The following ZNF587B variants were observed in gnomAD, a reference collection of about 807,000 sequenced individuals.
ZNF587B encodes zinc finger protein 587B.
In ZNF587B, 6 loss-of-function variants were observed where a neutral mutation model predicts 7.2. The ratio of observed to expected loss-of-function variants is 0.83; its 90% confidence interval spans 0.46 to 1.65. ZNF587B has a LOEUF of 1.65. ZNF587B is among the 40% of genes most tolerant of loss of function. The pLI, the probability that ZNF587B is intolerant of heterozygous loss-of-function variation, is 0.01. For missense variants in ZNF587B, 749 were observed against 761.0 expected (o/e 0.98, Z 0.19); for synonymous variants, 274 against 254.3 (o/e 1.08, Z -0.74).
At chr19:57,833,136 G>A (rs1206706256) in intron 1 of ZNF587B, among the ~76,000 whole-genome samples, 2 of 152,292 alleles carry the variant, frequency 1.3e-5, no homozygotes, top group African/African-American at 4.8e-5. Context: ...TTAGGACGGT[G>A]AGTTCCCCAG....
intron 1 of ZNF587B, among the ~76,000 whole-genome samples, chr19:57,832,336 T>C (rs570468143): frequency 1.1e-4 from 17 of 152,204 alleles, no homozygotes; most frequent in African/African-American, 2.2e-4. Flanking sequence ...CCGCCCGCCT[T>C]GGCCTCCCAA....
At position 57,841,250 on chromosome 19, in the gene ZNF587B, C is replaced by A. The variant is rs776578551; in HGVS notation, c.576C>A (p.His192Gln). 3.7e-6 allele frequency: 6 copies of A among 1,614,056 alleles called. No homozygotes were observed. In the East Asian group the frequency reaches 1.3e-4, roughly 36 times the overall value. Residue 192 changes from histidine to glutamine, a missense_variant, in exon 3 of 3, where the codon CAC becomes CAA. Physicochemically the swap from His to Gln is conservative, Grantham distance 24. Transcript: ENST00000594901. ...RSGLLQQEAS[H>Q]TGEKSNSKTE... ...GATTACTCCAGCAGGAGGCCAGTCA[C>A]ACTGGGGAGAAGTCAAACAGCAAAA...
Position 57,843,587 on chromosome 19 carries a change from GTTGTTTT to G in ZNF587B, c.*1014_*1020del, listed in dbSNP as rs1421188921. The G allele has an allele frequency of 2.6e-6, 2 of 757,974 alleles. No homozygotes were observed. The highest frequency in any genetic ancestry group is 1.5e-6 in the Non-Finnish European group (1 of 657,640). 47.0% of individuals were successfully genotyped at this position (757,974 alleles called of 1,614,324 possible). A position where few individuals can be genotyped will look rare whatever the true frequency, so the allele number is the denominator to read the frequency against. On this transcript the variant is annotated 3_prime_UTR_variant, in exon 3 of 3. Coordinates refer to ENST00000594901, the MANE Select transcript of ZNF587B (RefSeq NM_001376223.1). ...GTTTGGTTGGTTGGTTGGTTGGTTG[GTTGTTTT>G]TTTTTGTTTTTTTTTTTTTTTTTTT...
In ZNF587B at chr19:57,841,640, A is replaced by G; in HGVS notation, c.966A>G (p.Gly322=). Residue 322 remains glycine, a synonymous_variant, in exon 3 of 3, where the codon GGA becomes GGG. Transcript: ENST00000594901. Reference sequence around the variant, plus strand: ...GGCGCCATCAAAAAGTTCACGCTGGAAAAGGGCCTTATGAGTGTGGAGAAT... The same window carrying G: ...GGCGCCATCAAAAAGTTCACGCTGGGAAAGGGCCTTATGAGTGTGGAGAAT... ...YLRRHQKVHA[G]KGPYECGECG... is the part of the protein sequence containing the mutation. 1 of 1,599,596 alleles carries G rather than the reference A, an allele frequency of 6.3e-7. No individual in the cohort carries two copies.
rs769996914 is a variant in ZNF587B, at chr19:57,841,836, G to A, written c.1162G>A (p.Gly388Arg). 10 of 1,612,252 alleles carry A rather than the reference G, an allele frequency of 6.2e-6. No individual in the cohort carries two copies. The African/African-American group carries it at 8.0e-5, about 13-fold the overall frequency. ...EVRPYKCGEC[G>R]KSYISKGHLR... ...AAGACCTTACAAGTGTGGAGAATGT[G>A]GGAAATCTTATATTTCAAAGGGGCA... The change falls in exon 3 of 3, where the codon GGG becomes AGG. Residue 388 changes from glycine to arginine, a missense_variant. Gly to Arg is a moderately radical substitution (Grantham distance 125, BLOSUM62 -2). Around this residue, in one of 3 missense-constraint regions of ZNF587B, gnomAD observed 656 missense variants for 596.5 expected, o/e 1.10. Coordinates refer to ENST00000594901, the MANE Select transcript of ZNF587B (RefSeq NM_001376223.1).
At position 57,843,382 on chromosome 19, in the gene ZNF587B, T is replaced by G. The variant is rs972521432; in HGVS notation, c.*806T>G. 4 of 985,386 alleles carry G rather than the reference T, an allele frequency of 4.1e-6. No individual in the cohort carries two copies. Among genetic ancestry groups the G allele is most frequent in the East Asian group, 1.1e-4 (1 of 8,808 alleles). 61.0% of individuals were successfully genotyped at this position (985,386 alleles called of 1,614,324 possible). On this transcript the variant is annotated 3_prime_UTR_variant, in exon 3 of 3. Transcript: ENST00000594901. The stretch of plus-strand genomic sequence containing the variant: ...AACTCCAGGCATGTGGCATCTGTAT[T>G]ATATTTTTTACTATGCCCTGTTATC...
In ZNF587B at chr19:57,842,527, G is replaced by C. The variant is rs1177616771; in HGVS notation, c.1853G>C (p.Ser618Thr). The C allele has an allele frequency of 6.4e-7, 1 of 1,552,682 alleles. No homozygotes were observed. The highest frequency in any genetic ancestry group is 2.1e-5 in the Admixed American group (1 of 48,254). Residue 618 changes from serine to threonine, a missense_variant, in exon 3 of 3, where the codon AGC becomes ACC. Physicochemically the swap from Ser to Thr is moderately conservative, Grantham distance 58. Around this residue, in one of 3 missense-constraint regions of ZNF587B, gnomAD observed 656 missense variants for 596.5 expected, o/e 1.10. Transcript: ENST00000594901. ...CSECEKKFRK[S>T]SSLRYHQRVH... is the part of the protein sequence containing the mutation. ...GAATGTGAAAAAAAATTTAGGAAAA[G>C]CTCTTCACTTCGTTACCATCAGAGA...
At position 57,842,084 on chromosome 19, in the gene ZNF587B, A is replaced by T. The variant is rs1988881992; in HGVS notation, c.1410A>T (p.Glu470Asp). The T allele has an allele frequency of 6.3e-7, 1 of 1,593,918 alleles. No individual in the cohort carries two copies. The highest frequency in any genetic ancestry group is 1.1e-5 in the South Asian group (1 of 89,226). Reference protein sequence around the residue: ...HTRKRPYMCWECGKLFKKKSH... With the variant: ...HTRKRPYMCWDCGKLFKKKSH... The stretch of plus-strand genomic sequence containing the variant: ...GAAAAAGGCCTTATATGTGTTGGGA[A>T]TGTGGAAAATTATTTAAGAAGAAGT... The change falls in exon 3 of 3, where the codon GAA (glutamate) becomes GAT (aspartate). Residue 470 changes from glutamate (E) to aspartate (D), a missense_variant. By Grantham distance (45) the Glu-to-Asp change is conservative. Coordinates refer to ENST00000594901, the MANE Select transcript of ZNF587B (RefSeq NM_001376223.1).
At chr19:57,837,886 A>C (rs1185585338) in intron 1 of ZNF587B, among the ~76,000 whole-genome samples, 5 of 152,132 alleles carry the variant, frequency 3.3e-5, no homozygotes. Context: ...CGCCTGGCTC[A>C]ATACATTTGA....
chr19:57,839,936 G>A (rs115978055), intron 2 of ZNF587B, among the ~76,000 whole-genome samples: 4,686 of 151,902 alleles, frequency 0.031, 151 homozygotes, highest in African/African-American at 0.083. Flanking sequence ...AAAATCACTC[G>A]AGCATGATGG....
In ZNF587B at chr19:57,844,270, G is replaced by C. The variant is rs556861711; in HGVS notation, c.*1694G>C. ...AATCCCAACACTTTGGGAGGCCGAGGTGGGTGGATCACAAGGACAGGAAGG... is the reference window on the plus strand; with the variant it reads ...AATCCCAACACTTTGGGAGGCCGAGCTGGGTGGATCACAAGGACAGGAAGG... On this transcript the variant is annotated 3_prime_UTR_variant, in exon 3 of 3. Transcript: ENST00000594901. 9.5e-6 allele frequency: 4 copies of C among 420,858 alleles called. No homozygotes were observed. The highest frequency in any genetic ancestry group is 1.9e-5 in the Non-Finnish European group (4 of 213,148). The allele number at this position is 420,858 out of a possible 1,614,324, so 26.1% of individuals were successfully genotyped here.
At chr19:57,832,608 A>G (rs573551608) in intron 1 of ZNF587B, among the ~76,000 whole-genome samples, 19 of 152,326 alleles carry the variant, frequency 1.2e-4, no homozygotes, top group African/African-American at 4.6e-4. Flanking sequence ...ATGCTTGTAG[A>G]TATTCGTCAG....
rs1190476841 is a variant in ZNF587B at position 57,830,571 on chromosome 19, G to T, written c.36+7G>T. 2.6e-6 allele frequency: 4 copies of T among 1,550,392 alleles called. No individual in the cohort carries two copies. The East Asian group carries it at 7.3e-5, about 28-fold the overall frequency. On this transcript the variant is annotated splice_region_variant and intron_variant, in intron 1 of 2. Coordinates refer to ENST00000594901, the MANE Select transcript of ZNF587B (RefSeq NM_001376223.1). ...GCTGAGGCTCTCTGCTCAGGTAATT[G>T]TGGTGCCTTCCATGCCCTCAGGTCA...
At chr19:57,833,279 TC>T (rs1334975931) in intron 1 of ZNF587B, among the ~76,000 whole-genome samples, 1 of 147,910 alleles carries the variant, frequency 6.8e-6, no homozygotes, top group Admixed American at 6.8e-5. Flanking sequence ...TTCCCACTCT[TC>T]CATCCCCTTT....
chr19:57,842,389 A>C lies in ZNF587B; in HGVS notation c.1715A>C (p.His572Pro). The change falls in exon 3 of 3, where the codon CAC becomes CCC. Residue 572 changes from histidine (H) to proline (P), a missense_variant. Physicochemically the swap from His to Pro is moderately conservative, Grantham distance 77 (BLOSUM62 -2). This residue lies in a region of ZNF587B where 656 missense variants were observed against 596.5 expected (regional missense o/e 1.10). Transcript: ENST00000594901. ...TATCTCACTAGTCACAGGAGAGTTC[A>C]CACTGGTCAGAAGCCTTATGAGTGC... ...SSYLTSHRRV[H>P]TGQKPYECSE... The C allele has an allele frequency of 6.2e-7, 1 of 1,602,256 alleles. No individual in the cohort carries two copies. Among genetic ancestry groups the C allele is most frequent in the South Asian group, 1.1e-5 (1 of 89,072 alleles).
intron 1 of ZNF587B, among the ~76,000 whole-genome samples, chr19:57,836,420 T>C (rs4801521): frequency 0.94 from 119,822 of 127,388 alleles, 56,161 homozygotes; most frequent in East Asian, 0.96. Context: ...AGGCCCAGTG[T>C]GATTTGCCAC....
In ZNF587B at chr19:57,844,166, C is replaced by T. The variant is rs1988985328; in HGVS notation, c.*1590C>T. Reference sequence around the variant, plus strand: ...CTGATAAGTTACACCATGGACCTTCCCCATTTTTGTCCCAGAGGACTCTTG... The same window carrying T: ...CTGATAAGTTACACCATGGACCTTCTCCATTTTTGTCCCAGAGGACTCTTG... On this transcript the variant is annotated 3_prime_UTR_variant, in exon 3 of 3. Coordinates refer to ENST00000594901, the MANE Select transcript of ZNF587B (RefSeq NM_001376223.1). 4 of 377,196 alleles carry T rather than the reference C, an allele frequency of 1.1e-5. No homozygotes were observed. Among genetic ancestry groups the T allele is most frequent in the South Asian group, 5.7e-5 (3 of 52,288 alleles). 23.4% of individuals were successfully genotyped at this position (377,196 alleles called of 1,614,324 possible). A position where few individuals can be genotyped will look rare whatever the true frequency, so the allele number is the denominator to read the frequency against.
At chr19:57,838,591 C>T (rs1456574514) in intron 1 of ZNF587B, among the ~76,000 whole-genome samples, 1 of 152,036 alleles carries the variant, frequency 6.6e-6, no homozygotes, top group Non-Finnish European at 1.5e-5. Context: ...CAGAGGGAGA[C>T]TCCATCTCAA....
Position 57,842,590 on chromosome 19 carries a change from G to T in ZNF587B, c.*14G>T, listed in dbSNP as rs1390284426. ...AAGGCCTTATGAGTGCAGAGAATGA[G>T]TCCAGTCTCATTAAATACAGGAGAG... On this transcript the variant is annotated 3_prime_UTR_variant, in exon 3 of 3. Coordinates refer to ENST00000594901, the MANE Select transcript of ZNF587B (RefSeq NM_001376223.1). 5.4e-6 allele frequency: 8 copies of T among 1,479,126 alleles called. No individual in the cohort carries two copies. The highest frequency in any genetic ancestry group is 7.1e-6 in the Non-Finnish European group (8 of 1,119,412). 91.6% of individuals were successfully genotyped at this position (1,479,126 alleles called of 1,614,324 possible). A position where few individuals can be genotyped will look rare whatever the true frequency, so the allele number is the denominator to read the frequency against.
Sources: gnomAD v4.1 joint callset for allele counts (sites outside exome capture counted in the v4.1 genomes callset) on GRCh38, gnomAD v4.1.1 for gene constraint, gnomAD v4.1.1 regional missense constraint, MANE v1.5 for transcripts, NCBI Gene and HGNC (gene_info 2026-07-23, HGNC 2026-07-21) for gene names.